ICA1: variants seen among roughly 807,000 people sequenced by gnomAD.
The protein encoded by ICA1 is 69 kDa islet cell autoantigen.
ICA1 carries 40 observed loss-of-function variants against 71.0 expected under a neutral mutation model. The observed-to-expected ratio is 0.56, with a 90% CI of 0.44 to 0.73. The LOEUF (loss-of-function observed/expected upper bound fraction) is 0.73, where lower values mean the gene tolerates loss of function less well. ICA1 is among the 30% of genes least tolerant of loss of function. The pLI is 0.00. For synonymous variants in ICA1, 207 were observed against 209.5 expected (o/e 0.99, Z 0.10); for missense variants, 578 against 576.5 (o/e 1.00, Z -0.03).
intron 4 of ICA1, among the ~76,000 whole-genome samples, chr7:8,224,314 G>A (rs1441339405): frequency 6.6e-6 from 1 of 152,130 alleles, no homozygotes; most frequent in African/African-American, 2.4e-5. Flanking sequence ...AAGGCCTTGG[G>A]AGTTTGGTGG....
At chr7:8,237,705 T>C (rs1802286306) in intron 1 of ICA1, among the ~76,000 whole-genome samples, 2 of 152,156 alleles carry the variant, frequency 1.3e-5, no homozygotes, top group South Asian at 4.1e-4. Flanking sequence ...GTTCTTGTGA[T>C]TGGCTTATTT....
At chr7:8,190,041 G>T (rs1382704707) in intron 6 of ICA1, among the ~76,000 whole-genome samples, 1 of 152,208 alleles carries the variant, frequency 6.6e-6, no homozygotes, top group Non-Finnish European at 1.5e-5. Flanking sequence ...GACCAGAACT[G>T]AGTAATATTA....
At chr7:8,133,846 C>CTTTTTTT (rs57086182) in intron 12 of ICA1, among the ~76,000 whole-genome samples, 1 of 118,892 alleles carries the variant, frequency 8.4e-6, no homozygotes, top group Non-Finnish European at 1.7e-5. Flanking sequence ...AAAAATCATA[C>CTTTTTTT]TTTTTTTTTT....
intron 9 of ICA1, among the ~76,000 whole-genome samples, chr7:8,142,966 A>C (rs1393157753): frequency 6.6e-6 from 1 of 152,244 alleles, no homozygotes; most frequent in Non-Finnish European, 1.5e-5. Context: ...TATTGGCAGC[A>C]ACTTTTCCTG....
intron 6 of ICA1, among the ~76,000 whole-genome samples, chr7:8,216,154 G>C (rs1308503976): frequency 3.3e-5 from 5 of 152,208 alleles, no homozygotes; most frequent in Non-Finnish European, 7.3e-5. Context: ...CTACAGGTTT[G>C]AGAAAACATG....
In ICA1 at chr7:8,242,037, A is replaced by T. The variant is rs139079104; in HGVS notation, c.-79-6032T>A. ...CAGAAGGTTAACAAGGATATCCAGG[A>T]CTTGAACTCAGCTCTGCACCAAGCA... On this transcript the variant is annotated intron_variant, in intron 1 of 13. Transcript: ENST00000402384. Among the ~76,000 whole-genome samples the T allele has an allele frequency of 1.4e-3, 209 of 152,328 alleles. 1 individual carries two copies. The highest frequency in any genetic ancestry group is 5.6e-3 in the South Asian group (27 of 4,824).
At chr7:8,119,049 C>G (rs1024109006) in intron 13 of ICA1, among the ~76,000 whole-genome samples, 2 of 152,214 alleles carry the variant, frequency 1.3e-5, no homozygotes, top group Non-Finnish European at 2.9e-5. Context: ...GTCACCATTT[C>G]TATTAGAATC....
chr7:8,209,546 T>C (rs910345706), intron 6 of ICA1, among the ~76,000 whole-genome samples: 2 of 152,206 alleles, frequency 1.3e-5, no homozygotes, highest in Non-Finnish European at 2.9e-5. Flanking sequence ...CAATTTGGGT[T>C]CGAGGATGTG....
intron 12 of ICA1, among the ~76,000 whole-genome samples, chr7:8,137,754 C>T (rs1793909268): frequency 6.6e-6 from 1 of 152,202 alleles, no homozygotes; most frequent in African/African-American, 2.4e-5. Context: ...GATATCTGTC[C>T]TCAAGTTTAT....
chr7:8,128,195 G>A (rs139804841), intron 12 of ICA1, 53 bp from the exon 13 acceptor site: 1 of 1,579,746 alleles, frequency 6.3e-7, no homozygotes, highest in South Asian at 1.2e-5. Flanking sequence ...CAAGCCCTCA[G>A]GAATCAATGC....
intron 1 of ICA1, among the ~76,000 whole-genome samples, chr7:8,259,103 T>C (rs1408245289): frequency 1.3e-5 from 2 of 152,222 alleles, no homozygotes; most frequent in African/African-American, 4.8e-5. Flanking sequence ...TCCACACTTA[T>C]TTTAACAAGC....
chr7:8,259,285 G>C (rs575538649), intron 1 of ICA1, among the ~76,000 whole-genome samples: 1 of 152,238 alleles, frequency 6.6e-6, no homozygotes, highest in African/African-American at 2.4e-5. Flanking sequence ...AGCTCCCAGG[G>C]GAGGCCACAT....
chr7:8,154,832 GT>G (rs1456390234), intron 8 of ICA1, among the ~76,000 whole-genome samples: 1 of 152,160 alleles, frequency 6.6e-6, no homozygotes, highest in Non-Finnish European at 1.5e-5. Context: ...TCACCATCAT[GT>G]TTTGTGGCAT....
chr7:8,138,504 C>T (rs1368266687), intron 12 of ICA1, among the ~76,000 whole-genome samples: 1 of 152,208 alleles, frequency 6.6e-6, no homozygotes, highest in Non-Finnish European at 1.5e-5. Flanking sequence ...AAGCAAATCA[C>T]TTAAAATACA....
At chr7:8,148,193 T>A (rs6943357) in intron 8 of ICA1, among the ~76,000 whole-genome samples, 1 of 152,124 alleles carries the variant, frequency 6.6e-6, no homozygotes, top group African/African-American at 2.4e-5. Context: ...TTCAAGTATA[T>A]AATCATACAG....
rs1797732637 is a variant in ICA1 at position 8,223,589 on chromosome 7, T to A, written c.257-2191A>T. 2 of 154,574 alleles carry A rather than the reference T, an allele frequency of 1.3e-5. No individual in the cohort carries two copies. The highest frequency in any genetic ancestry group is 2.0e-4 in the South Asian group (1 of 4,912). 9.6% of individuals were successfully genotyped at this position (154,574 alleles called of 1,614,324 possible). The stretch of plus-strand genomic sequence containing the variant: ...AATTTTAAAAATTCAAATACTGAAA[T>A]TAACTTACAGAAGTTTAAAATTCAG... On this transcript the variant is annotated intron_variant, in intron 4 of 13. Transcript: ENST00000402384. This position sits in a 1 kb window ranked among gnomAD's most constrained non-coding sequence, Gnocchi z 4.1.
chr7:8,213,234 T>C (rs1015829302), intron 6 of ICA1, among the ~76,000 whole-genome samples: 13 of 152,220 alleles, frequency 8.5e-5, no homozygotes, highest in African/African-American at 2.9e-4. Flanking sequence ...CAATCCACTG[T>C]ATAGAATTCT....
At chr7:8,225,759 A>G (rs1798413210) in intron 4 of ICA1, among the ~76,000 whole-genome samples, 1 of 152,208 alleles carries the variant, frequency 6.6e-6, no homozygotes, top group African/African-American at 2.4e-5. Context: ...GCAACACCAC[A>G]GTGTTCCTTC....
chr7:8,148,806 T>C (rs925906437), intron 8 of ICA1, among the ~76,000 whole-genome samples: 1 of 152,092 alleles, frequency 6.6e-6, no homozygotes, highest in Non-Finnish European at 1.5e-5. Context: ...AAAGATGGTA[T>C]ACATTGAAGA....
Sources: allele counts gnomAD v4.1 joint callset (sites outside exome capture counted in the v4.1 genomes callset), GRCh38; gene constraint gnomAD v4.1.1; non-coding constraint Gnocchi (gnomAD v3.1); transcripts MANE v1.5; gene names NCBI Gene and HGNC (gene_info 2026-07-23, HGNC 2026-07-21).